Variants in HECTD4 observed in about 807,000 individuals in gnomAD.
The protein encoded by HECTD4 is HECT domain E3 ubiquitin protein ligase 4, also known as probable E3 ubiquitin-protein ligase HECTD4.
HECTD4 carries 114 observed loss-of-function variants against 471.5 expected under a neutral mutation model. That is an observed-to-expected ratio of 0.24 (90% CI 0.21 to 0.28). The LOEUF is 0.28. Ranked by LOEUF, HECTD4 falls within the 10% of genes least tolerant of loss-of-function variation. The probability of loss-of-function intolerance (pLI) is 1.00; values close to 1 mark genes in which losing one functional copy is unlikely to be tolerated. For synonymous variants in HECTD4, 2,012 were observed against 2,256.0 expected, an observed-to-expected ratio of 0.89 and a Z score of 3.07; for missense variants, 3,866 against 5,651.5, an observed-to-expected ratio of 0.68 and a Z score of 10.13.
At chr12:112,301,798 C>T (rs2035170487) in intron 7 of HECTD4, 2 of 515,754 alleles carry the variant, frequency 3.9e-6, no homozygotes, top group Admixed American at 3.3e-5. Flanking sequence ...CTTCAGCTAG[C>T]TGTTTTTTTT....
intron 7 of HECTD4, among the ~76,000 whole-genome samples, chr12:112,298,716 C>T (rs568323163): frequency 4.6e-5 from 7 of 151,794 alleles, no homozygotes; most frequent in South Asian, 2.1e-4. Flanking sequence ...AACTCTGTCT[C>T]TACTAAAAAT....
chr12:112,184,503 G>T lies in HECTD4; in HGVS notation c.10463C>A (p.Ser3488Tyr). The T allele has an allele frequency of 6.2e-7, 1 of 1,609,664 alleles. No individual in the cohort carries two copies. The highest frequency in any genetic ancestry group is 1.3e-5 in the African/African-American group (1 of 75,022). ...TPAMSISASA[S>Y]TSQASICSSQ... is the part of the protein sequence containing the mutation. ...GCTGCAGATGGAGGCCTGGCTGGTGGAGGCGGAGGCGCTGATGCTCATGGC... is the reference window on the plus strand; with the variant it reads ...GCTGCAGATGGAGGCCTGGCTGGTGTAGGCGGAGGCGCTGATGCTCATGGC... Residue 3488 changes from serine to tyrosine, a missense_variant, in exon 61 of 76, where the codon TCC becomes TAC. Physicochemically the swap from Ser to Tyr is moderately radical, Grantham distance 144. Coordinates refer to ENST00000682272, the MANE Select transcript of HECTD4 (RefSeq NM_001388303.1). The surrounding 1 kb of genome is among the most constrained non-coding windows in gnomAD (Gnocchi z 9.1).
chr12:112,327,572 AAAC>A (rs1392767062), intron 1 of HECTD4, among the ~76,000 whole-genome samples: 1 of 152,222 alleles, frequency 6.6e-6, no homozygotes, highest in Non-Finnish European at 1.5e-5. Context: ...TCTGTTTCAA[AAAC>A]AACAGACTAA....
At chr12:112,192,302 C>A (rs2032106467) in intron 59 of HECTD4, among the ~76,000 whole-genome samples, 1 of 152,222 alleles carries the variant, frequency 6.6e-6, no homozygotes, top group Admixed American at 6.5e-5. Flanking sequence ...CATCTCAGCA[C>A]ATACTTGTGA....
At chr12:112,320,731 A>C (rs569788893) in intron 1 of HECTD4, among the ~76,000 whole-genome samples, 230 of 152,228 alleles carry the variant, frequency 1.5e-3, no homozygotes, top group Non-Finnish European at 2.8e-3. Flanking sequence ...TCTAACTCCT[A>C]TTACCAGATA....
chr12:112,246,212 C>A (rs550728174), intron 29 of HECTD4, among the ~76,000 whole-genome samples: 71 of 151,420 alleles, frequency 4.7e-4, no homozygotes, highest in African/African-American at 1.6e-3. Flanking sequence ...GGAAGTCATA[C>A]CACAAGGTTC....
intron 11 of HECTD4, among the ~76,000 whole-genome samples, chr12:112,273,120 A>G (rs1321276241): frequency 2.0e-5 from 3 of 152,162 alleles, no homozygotes; most frequent in Admixed American, 2.0e-4. Context: ...GTTGTTTTTG[A>G]TAATTGCCTG....
intron 6 of HECTD4, among the ~76,000 whole-genome samples, chr12:112,307,518 T>C (rs1312735580): frequency 6.6e-6 from 1 of 152,244 alleles, no homozygotes; most frequent in Non-Finnish European, 1.5e-5. Flanking sequence ...CTACCAGTCT[T>C]ATAACTTCTA....
chr12:112,358,692 C>A (rs1431501353), intron 1 of HECTD4, among the ~76,000 whole-genome samples: 3 of 152,098 alleles, frequency 2.0e-5, no homozygotes, highest in East Asian at 3.9e-4. Flanking sequence ...CAAAAAGATT[C>A]ATTCAAAACA....
intron 7 of HECTD4, among the ~76,000 whole-genome samples, chr12:112,303,610 G>C (rs577859319): frequency 6.6e-6 from 1 of 152,160 alleles, no homozygotes; most frequent in African/African-American, 2.4e-5. Flanking sequence ...AGCACTTTGG[G>C]AGGCTGAGGC....
In HECTD4 at chr12:112,382,091, G is replaced by A. The variant is rs1448958296; in HGVS notation, c.38C>T (p.Ala13Val). Reference protein sequence around the residue: ...SSAAAAAAAAAAADSAQWLSV... With the variant: ...SSAAAAAAAAVAADSAQWLSV... ...GAGCCACTGCGCCGAGTCAGCGGCC[G>A]CCGCCGCCGCCGCCGCCGCGGCCGC... Residue 13 changes from alanine (A) to valine (V), a missense_variant, in exon 1 of 76, where the codon GCG becomes GTG. By Grantham distance (64) the Ala-to-Val change is moderately conservative. Coordinates refer to ENST00000682272, the MANE Select transcript of HECTD4 (RefSeq NM_001388303.1). The A allele has an allele frequency of 1.5e-5, 18 of 1,223,904 alleles. No individual in the cohort carries two copies. Among genetic ancestry groups the A allele is most frequent in the East Asian group, 3.2e-5 (1 of 31,196 alleles). 75.8% of individuals were successfully genotyped at this position (1,223,904 alleles called of 1,614,324 possible). A position where few individuals can be genotyped will look rare whatever the true frequency, so the allele number is the denominator to read the frequency against.
At chr12:112,369,817 G>A (rs902945634) in intron 1 of HECTD4, among the ~76,000 whole-genome samples, 2 of 152,096 alleles carry the variant, frequency 1.3e-5, no homozygotes, top group Non-Finnish European at 2.9e-5. Context: ...TTACCCTAGC[G>A]AAATAATCTC....
intron 1 of HECTD4, among the ~76,000 whole-genome samples, chr12:112,340,740 T>C (rs2036040401): frequency 6.6e-6 from 1 of 152,148 alleles, no homozygotes; most frequent in Non-Finnish European, 1.5e-5. Context: ...CCATCTCTCA[T>C]AAAAGATATA....
At chr12:112,203,379 G>T in intron 54 of HECTD4, 1 of 351,214 alleles carries the variant, frequency 2.8e-6, no homozygotes, top group South Asian at 5.3e-5. Context: ...AGAAAATAAT[G>T]GTAGAGGTGG....
At position 112,313,048 on chromosome 12, in the gene HECTD4, A is replaced by C. The variant is rs2035402517; in HGVS notation, c.885T>G (p.Asp295Glu). 4 of 1,535,824 alleles carry C rather than the reference A, an allele frequency of 2.6e-6. No homozygotes were observed. The highest frequency in any genetic ancestry group is 2.0e-5 in the Admixed American group (1 of 50,992). ...TTTCAGAACTGGAGCCAGTGTTGCT[A>C]TCCGGCGCAGGCAACATGTCTTCAT... is the stretch of plus-strand genomic sequence containing the variant. ...WGYEDMLPAP[D>E]SNTGSSSENK... The change falls in exon 4 of 76, where the codon GAT becomes GAG. Residue 295 changes from aspartate to glutamate, a missense_variant. Transcript: ENST00000682272.
At position 112,162,433 on chromosome 12, in the gene HECTD4, T is replaced by C. The variant is rs1269860873; in HGVS notation, c.13211A>G (p.Lys4404Arg). ...ACGGTAGTGAATGGCACAACGAAGT[T>C]TCTCCAGCATGATTTCCAGAGAGGA... ...QYSSLEIMLEKLRCAIHYRED... is the reference protein window; with the variant it reads ...QYSSLEIMLERLRCAIHYRED... Residue 4404 changes from lysine to arginine, a missense_variant, in exon 76 of 76, where the codon AAA (lysine) becomes AGA (arginine). This residue lies in a region of HECTD4 where 715 missense variants were observed against 1,087.6 expected (regional missense o/e 0.66). Transcript: ENST00000682272. The surrounding 1 kb of genome is among the most constrained non-coding windows in gnomAD (Gnocchi z 5.2). 1 of 1,614,028 alleles carries C rather than the reference T, an allele frequency of 6.2e-7. No individual in the cohort carries two copies. The highest frequency in any genetic ancestry group is 8.5e-7 in the Non-Finnish European group (1 of 1,179,894).
intron 1 of HECTD4, among the ~76,000 whole-genome samples, chr12:112,361,101 G>A (rs1025993362): frequency 7.9e-5 from 12 of 151,838 alleles, no homozygotes; most frequent in South Asian, 2.1e-4. Flanking sequence ...CTGTTCATCC[G>A]CGACAATACA....
chr12:112,323,420 C>T (rs978871757), intron 1 of HECTD4, among the ~76,000 whole-genome samples: 1 of 151,934 alleles, frequency 6.6e-6, no homozygotes, highest in Non-Finnish European at 1.5e-5. Flanking sequence ...AAATTCAGTG[C>T]CAGCTTATCA....
chr12:112,314,640 T>C (rs2035442296), intron 2 of HECTD4, 94 bp from the exon 3 acceptor site: 2 of 734,110 alleles, frequency 2.7e-6, no homozygotes, highest in Non-Finnish European at 4.7e-6. Flanking sequence ...ATGGAAAAGT[T>C]CCAAAATGTG....
Sources: gnomAD v4.1 joint callset for allele counts (sites outside exome capture counted in the v4.1 genomes callset) on GRCh38, gnomAD v4.1.1 for gene constraint, gnomAD v4.1.1 regional missense constraint, Gnocchi (gnomAD v3.1) non-coding constraint, MANE v1.5 for transcripts, NCBI Gene and HGNC (gene_info 2026-07-23, HGNC 2026-07-21) for gene names.